Variants in DLG2 observed in about 807,000 individuals in gnomAD.
DLG2 encodes disks large homolog 2.
In DLG2, 45 loss-of-function variants were observed where a neutral mutation model predicts 132.5. The ratio of observed to expected loss-of-function variants is 0.34; its 90% CI spans 0.27 to 0.44. DLG2 has a LOEUF of 0.44. Among genes scored for constraint, DLG2 ranks in the 20% least tolerant of loss-of-function variants. The probability of loss-of-function intolerance (pLI) is 1.00; values close to 1 mark genes in which losing one functional copy is unlikely to be tolerated. For synonymous variants in DLG2, 424 were observed against 419.6 expected (o/e 1.01, Z -0.13); for missense variants, 1,045 against 1,196.9 (o/e 0.87, Z 1.87).
intron 6 of DLG2, among the ~76,000 whole-genome samples, chr11:84,814,664 T>C (rs1261648888): frequency 6.6e-6 from 1 of 152,070 alleles, no homozygotes; most frequent in East Asian, 1.9e-4. Flanking sequence ...TCATGTTTGT[T>C]CCTCTGCTTA....
At chr11:85,539,327 G>A (rs772908679) in intron 3 of DLG2, among the ~76,000 whole-genome samples, 39 of 149,400 alleles carry the variant, frequency 2.6e-4, no homozygotes, top group Non-Finnish European at 1.0e-4. Context: ...ATCTATTTCT[G>A]AAGTTTCTTG....
At chr11:84,965,066 T>C (rs187005978) in intron 6 of DLG2, among the ~76,000 whole-genome samples, 1 of 152,268 alleles carries the variant, frequency 6.6e-6, no homozygotes, top group East Asian at 1.9e-4. Context: ...TTGAGCACTC[T>C]ATACATTGTA....
At chr11:84,877,512 C>CTTTTTTTT (rs60339036) in intron 6 of DLG2, among the ~76,000 whole-genome samples, 20 of 57,446 alleles carry the variant, frequency 3.5e-4, no homozygotes, top group East Asian at 6.1e-4. Context: ...GCAACCCCTG[C>CTTTTTTTT]TTTTTTTTTT....
intron 9 of DLG2, among the ~76,000 whole-genome samples, chr11:84,105,989 G>A (rs914098141): frequency 6.6e-6 from 1 of 152,150 alleles, no homozygotes; most frequent in Admixed American, 6.5e-5. Context: ...CCCCTAATCT[G>A]TAAATTTCTC....
intron 6 of DLG2, among the ~76,000 whole-genome samples, chr11:85,107,927 TAAAAAAAAAAAAA>T (rs5793156): frequency 4.6e-4 from 12 of 26,268 alleles, no homozygotes; most frequent in African/African-American, 6.4e-4. Flanking sequence ...GGACAAGTCT[TAAAAAAAAAAAAA>T]AAAAAAAAAA....
At chr11:83,864,283 T>C (rs1183535581) in intron 16 of DLG2, among the ~76,000 whole-genome samples, 2 of 152,230 alleles carry the variant, frequency 1.3e-5, no homozygotes, top group African/African-American at 4.8e-5. Context: ...CACACTGAAT[T>C]ACTATAATTT....
intron 6 of DLG2, among the ~76,000 whole-genome samples, chr11:84,938,542 C>A (rs1015523512): frequency 3.3e-5 from 5 of 152,118 alleles, no homozygotes; most frequent in Non-Finnish European, 5.9e-5. Flanking sequence ...GCCAACAGAT[C>A]CCTATGGGAA....
intron 5 of DLG2, among the ~76,000 whole-genome samples, chr11:85,139,509 G>T (rs980080571): frequency 6.6e-6 from 1 of 151,974 alleles, no homozygotes; most frequent in East Asian, 1.9e-4. Flanking sequence ...GAAATAAATT[G>T]TATTGGGAAT....
intron 3 of DLG2, among the ~76,000 whole-genome samples, chr11:85,582,744 T>TGG (rs1446881884): frequency 6.9e-6 from 1 of 145,058 alleles, no homozygotes; most frequent in Non-Finnish European, 1.5e-5. Flanking sequence ...AGGCTTATTT[T>TGG]GGAAATTATT....
intron 7 of DLG2, among the ~76,000 whole-genome samples, chr11:84,400,983 C>T (rs971974663): frequency 6.6e-6 from 1 of 152,072 alleles, no homozygotes; most frequent in Non-Finnish European, 1.5e-5. Context: ...CCCTTTCTGC[C>T]AACATAGTTA....
At chr11:83,660,670 A>G (rs968282431) in intron 18 of DLG2, among the ~76,000 whole-genome samples, 3 of 152,224 alleles carry the variant, frequency 2.0e-5, no homozygotes, top group Non-Finnish European at 4.4e-5. Flanking sequence ...AGATAAAGTC[A>G]CACACTAACA....
At chr11:84,510,303 T>C (rs2099253788) in intron 7 of DLG2, among the ~76,000 whole-genome samples, 1 of 152,032 alleles carries the variant, frequency 6.6e-6, no homozygotes, top group Non-Finnish European at 1.5e-5. Context: ...TCCTAACATA[T>C]GTCATTTATT....
chr11:83,735,570 C>T (rs2091792238), intron 18 of DLG2, among the ~76,000 whole-genome samples: 1 of 152,190 alleles, frequency 6.6e-6, no homozygotes, highest in Non-Finnish European at 1.5e-5. Flanking sequence ...ATAATTTGCA[C>T]TCTGACTATA....
chr11:85,110,059 T>A (rs1430188810), intron 6 of DLG2, among the ~76,000 whole-genome samples: 1 of 152,048 alleles, frequency 6.6e-6, no homozygotes, highest in East Asian at 1.9e-4. Context: ...GCTGTGGATA[T>A]ACTAGGACCC....
chr11:83,884,685 G>A (rs1449620666), intron 15 of DLG2, among the ~76,000 whole-genome samples: 1 of 152,156 alleles, frequency 6.6e-6, no homozygotes, highest in African/African-American at 2.4e-5. Context: ...AGCCTAACTG[G>A]AAGGCACCCC....
chr11:85,502,700 C>T (rs1010608801), intron 3 of DLG2, among the ~76,000 whole-genome samples: 1 of 151,750 alleles, frequency 6.6e-6, no homozygotes. Flanking sequence ...ACCTAATGCA[C>T]GTGGGGCTTA....
chr11:85,253,905 C>A (rs184702227), intron 4 of DLG2, among the ~76,000 whole-genome samples: 1 of 152,158 alleles, frequency 6.6e-6, no homozygotes, highest in African/African-American at 2.4e-5. Context: ...TCTGAATCTA[C>A]GCCATCAATC....
intron 7 of DLG2, among the ~76,000 whole-genome samples, chr11:84,530,684 A>G (rs2099335510): frequency 6.6e-6 from 1 of 152,246 alleles, no homozygotes. Flanking sequence ...TAGGAATACC[A>G]TTATTTCAGC....
At chr11:83,479,775 A>C (rs1565396108) in intron 22 of DLG2, among the ~76,000 whole-genome samples, 1 of 152,196 alleles carries the variant, frequency 6.6e-6, no homozygotes, top group East Asian at 1.9e-4. Context: ...ACATTTAAAA[A>C]AATTAAGTTC....
Sources: allele counts gnomAD v4.1 joint callset (sites outside exome capture counted in the v4.1 genomes callset), GRCh38; gene constraint gnomAD v4.1.1; transcripts MANE v1.5; gene names NCBI Gene and HGNC (gene_info 2026-07-23, HGNC 2026-07-21).